The following RFX8 variants were observed in gnomAD, a reference collection of about 807,000 sequenced individuals.
RFX8 encodes regulatory factor X8.
A neutral mutation model predicts 54.6 loss-of-function variants in RFX8; 46 were observed. That is an observed-to-expected ratio of 0.84 (90% CI 0.67 to 1.08). The LOEUF is 1.08. Ranked by LOEUF, RFX8 falls within the 50% of genes least tolerant of loss-of-function variation. The pLI is 0.00. For synonymous variants in RFX8, 192 were observed against 209.5 expected, an observed-to-expected ratio of 0.92 and a Z score of 0.72; for missense variants, 536 against 562.3, an observed-to-expected ratio of 0.95 and a Z score of 0.47.
In RFX8 at chr2:101,474,917, C is replaced by T. The variant is rs1300015134; in HGVS notation, c.-334G>A. Among the ~76,000 whole-genome samples the T allele has an allele frequency of 1.3e-5, 2 of 152,110 alleles. No individual in the cohort carries two copies. Among genetic ancestry groups the T allele is most frequent in the Non-Finnish European group, 2.9e-5 (2 of 68,016 alleles). On this transcript the variant is annotated 5_prime_UTR_variant, in exon 1 of 12. Transcript: ENST00000428343. ...AAAAATCTCGGAGCTCTCTGGCAGGCGGGCGCATCTGGACTTCTAGGAGGC... is the reference window on the plus strand; with the variant it reads ...AAAAATCTCGGAGCTCTCTGGCAGGTGGGCGCATCTGGACTTCTAGGAGGC...
chr2:101,471,971 G>A (rs1291602134), intron 1 of RFX8, among the ~76,000 whole-genome samples: 3 of 152,118 alleles, frequency 2.0e-5, no homozygotes, highest in Non-Finnish European at 2.9e-5. Context: ...GTCTCCAGGC[G>A]TTCAGACCCC....
chr2:101,440,572 C>T (rs979520157), intron 2 of RFX8, among the ~76,000 whole-genome samples: 3 of 152,186 alleles, frequency 2.0e-5, no homozygotes, highest in African/African-American at 7.2e-5. Flanking sequence ...TATGATCCCT[C>T]ATGGGGGAGG....
chr2:101,415,030 C>G (rs1041498894), intron 6 of RFX8, 118 bp from the exon 7 acceptor site: 1 of 691,030 alleles, frequency 1.4e-6, no homozygotes, highest in Non-Finnish European at 2.5e-6. Context: ...ACTGCAACTT[C>G]CCCCACCCCC....
chr2:101,439,492 T>C (rs550850821), intron 2 of RFX8, among the ~76,000 whole-genome samples: 69 of 152,298 alleles, frequency 4.5e-4, no homozygotes, highest in Non-Finnish European at 6.8e-4. Context: ...GTTTTTAAAG[T>C]TTAATATTAT....
chr2:101,469,044 A>ATATATATAGG (rs1689767225), intron 1 of RFX8, among the ~76,000 whole-genome samples: 3 of 47,748 alleles, frequency 6.3e-5, no homozygotes, highest in Non-Finnish European at 1.3e-4. Flanking sequence ...ATATATATGT[A>ATATATATAGG]TATATATATA....
In RFX8 at chr2:101,402,859, C is replaced by T. The variant is rs189603497; in HGVS notation, c.929-107G>A. On this transcript the variant is annotated intron_variant, in intron 10 of 11. Coordinates refer to ENST00000428343, the MANE Select transcript of RFX8 (RefSeq NM_001145664.2). ...GGGGCTAACACCTGTGTACGTGAGC[C>T]TCGTTCCAATAGCTTACCCAGAAGA... The T allele has an allele frequency of 1.8e-4, 183 of 1,026,764 alleles. No homozygotes were observed. In the African/African-American group the frequency reaches 2.6e-3, roughly 14 times the overall value. The allele number at this position is 1,026,764 out of a possible 1,614,324, so 63.6% of individuals were successfully genotyped here.
chr2:101,419,499 T>C (rs1469069067), intron 4 of RFX8, among the ~76,000 whole-genome samples: 1 of 152,208 alleles, frequency 6.6e-6, no homozygotes, highest in East Asian at 1.9e-4. Flanking sequence ...TCGTGGAGGA[T>C]CAAAATGGCG....
Position 101,452,776 on chromosome 2 carries a change from A to G in RFX8, c.72+14001T>C, listed in dbSNP as rs149755739. 8.0e-3 allele frequency among the ~76,000 whole-genome samples: 1,213 copies of G among 152,174 alleles called. 22 individuals are homozygous for G. The highest frequency in any genetic ancestry group is 0.027 in the African/African-American group (1,132 of 41,490). On this transcript the variant is annotated intron_variant, in intron 2 of 11. Coordinates refer to ENST00000428343, the MANE Select transcript of RFX8 (RefSeq NM_001145664.2). The stretch of plus-strand genomic sequence containing the variant: ...CAGGAGTTCAAAACCAGCCTGGCCA[A>G]CATGGTGAAACCCTGTCTCTACAAC...
At chr2:101,402,361 G>A in intron 11 of RFX8, 75 bp downstream of exon 11, 4 of 1,202,078 alleles carry the variant, frequency 3.3e-6, no homozygotes, top group Non-Finnish European at 4.6e-6. Flanking sequence ...AAGTGATCTT[G>A]AGGGTTTTAC....
chr2:101,403,692 C>T (rs1314107599), intron 10 of RFX8, among the ~76,000 whole-genome samples: 1 of 152,070 alleles, frequency 6.6e-6, no homozygotes, highest in East Asian at 1.9e-4. Flanking sequence ...GAGACTGAGG[C>T]GGGAGAATCG....
At chr2:101,411,550 G>A (rs1043270386) in intron 8 of RFX8, among the ~76,000 whole-genome samples, 1 of 152,162 alleles carries the variant, frequency 6.6e-6, no homozygotes, top group Admixed American at 6.5e-5. Flanking sequence ...CCAGCTGGGG[G>A]CAAGAGGAGG....
At chr2:101,469,066 G>GTA (rs1255841267) in intron 1 of RFX8, among the ~76,000 whole-genome samples, 205 of 12,222 alleles carry the variant, frequency 0.017, 15 homozygotes, top group Middle Eastern at 0.083. Flanking sequence ...GTATATATAT[G>GTA]TATATATATA....
intron 5 of RFX8, 131 bp from the exon 6 acceptor site, chr2:101,417,815 G>A: frequency 1.7e-6 from 1 of 597,412 alleles, no homozygotes; most frequent in Non-Finnish European, 2.8e-6. Context: ...TGAAGGGGCA[G>A]CACCATGCAA....
At chr2:101,457,702 G>A (rs1307748273) in intron 2 of RFX8, among the ~76,000 whole-genome samples, 2 of 152,200 alleles carry the variant, frequency 1.3e-5, no homozygotes. Flanking sequence ...GGGCTGGAGA[G>A]TTCTGTAGAT....
At chr2:101,464,162 C>T (rs1453599145) in intron 2 of RFX8, among the ~76,000 whole-genome samples, 2 of 152,200 alleles carry the variant, frequency 1.3e-5, no homozygotes, top group Non-Finnish European at 2.9e-5. Flanking sequence ...TGCATGTCTG[C>T]AAATGAACTA....
intron 2 of RFX8, among the ~76,000 whole-genome samples, chr2:101,435,511 A>C: frequency 6.6e-6 from 1 of 152,188 alleles, no homozygotes; most frequent in Non-Finnish European, 1.5e-5. Flanking sequence ...GTTAATTACA[A>C]AGAGCTGTTT....
chr2:101,400,379 G>C (rs923803994), intron 11 of RFX8, among the ~76,000 whole-genome samples: 10 of 152,144 alleles, frequency 6.6e-5, no homozygotes, highest in African/African-American at 2.4e-4. Flanking sequence ...CAGCCTCCAG[G>C]TGATGTCTGG....
At chr2:101,401,893 A>G (rs1685461769) in intron 11 of RFX8, among the ~76,000 whole-genome samples, 1 of 152,196 alleles carries the variant, frequency 6.6e-6, no homozygotes, top group Non-Finnish European at 1.5e-5. Context: ...TGTGAGCCTC[A>G]GTTTCCTCAT....
intron 2 of RFX8, among the ~76,000 whole-genome samples, chr2:101,463,780 G>C (rs1689419898): frequency 6.6e-6 from 1 of 152,140 alleles, no homozygotes; most frequent in Non-Finnish European, 1.5e-5. Flanking sequence ...GAGGGGTCAG[G>C]CCACACCTGG....
Sources: allele counts gnomAD v4.1 joint callset (sites outside exome capture counted in the v4.1 genomes callset), GRCh38; gene constraint gnomAD v4.1.1; transcripts MANE v1.5; gene names NCBI Gene and HGNC (gene_info 2026-07-23, HGNC 2026-07-21).